Variants in CCDC47 observed in about 807,000 individuals in gnomAD.
CCDC47 encodes PAT complex subunit CCDC47.
In CCDC47, 41 loss-of-function variants were observed where a neutral mutation model predicts 60.5. The ratio of observed to expected loss-of-function variants is 0.68; its 90% confidence interval spans 0.53 to 0.88. The LOEUF (loss-of-function observed/expected upper bound fraction) is 0.88. CCDC47 is among the 40% of genes least tolerant of loss of function. The pLI is 0.00. For missense variants in CCDC47, 513 were observed against 580.9 expected (o/e 0.88, Z 1.20); for synonymous variants, 195 against 190.7 (o/e 1.02, Z -0.18).
intron 1 of CCDC47, among the ~76,000 whole-genome samples, chr17:63,769,341 C>T (rs1015775569): frequency 2.0e-5 from 3 of 151,722 alleles, no homozygotes; most frequent in South Asian, 2.1e-4. Context: ...TGGCTGTGTG[C>T]GATGGCTCAC....
At chr17:63,766,803 G>A (rs539715934) in intron 1 of CCDC47, 262 of 972,270 alleles carry the variant, frequency 2.7e-4, no homozygotes, top group Non-Finnish European at 3.1e-4. Context: ...CATTTTTTGA[G>A]GGCCTATTAA....
At chr17:63,771,605 G>C (rs2039342237) in intron 1 of CCDC47, among the ~76,000 whole-genome samples, 1 of 152,102 alleles carries the variant, frequency 6.6e-6, no homozygotes, top group African/African-American at 2.4e-5. Context: ...TTAAACTCTG[G>C]AATGTATATT....
intron 1 of CCDC47, chr17:63,766,777 T>G: frequency 1.1e-6 from 1 of 948,078 alleles, no homozygotes; most frequent in Non-Finnish European, 1.3e-6. Flanking sequence ...TCCATTTACA[T>G]AGAGTATTCA....
At chr17:63,760,700 G>A (rs7208397) in intron 6 of CCDC47, among the ~76,000 whole-genome samples, 105,535 of 151,820 alleles carry the variant, frequency 0.7, 37,964 homozygotes, top group African/African-American at 0.9. Context: ...TTGGCCAGGC[G>A]TGGTGGTGGG....
chr17:63,764,676 T>C, intron 3 of CCDC47, 64 bp downstream of exon 3: 2 of 1,407,150 alleles, frequency 1.4e-6, no homozygotes, highest in Non-Finnish European at 2.0e-6. Flanking sequence ...ATTAATTTTA[T>C]TTCTGGGATT....
Position 63,752,816 on chromosome 17 carries a change from G to A in CCDC47, c.1035-17C>T, listed in dbSNP as rs749951665. ...TGACCTTCCCTGTCATAAAAGAAAA[G>A]GCAATTAAGAAGGAATACAAGAAAG... On this transcript the variant is annotated splice_polypyrimidine_tract_variant and intron_variant, in intron 9 of 12. Coordinates refer to ENST00000225726, the MANE Select transcript of CCDC47 (RefSeq NM_020198.3). 4 of 1,608,398 alleles carry A rather than the reference G, an allele frequency of 2.5e-6. No homozygotes were observed. The highest frequency in any genetic ancestry group is 3.4e-5 in the Admixed American group (2 of 59,078).
Position 63,766,009 on chromosome 17 carries a change from C to G in CCDC47, c.167G>C (p.Arg56Pro). Residue 56 changes from arginine to proline, a missense_variant, in exon 2 of 13, where the codon CGG (arginine) becomes CCG (proline). Coordinates refer to ENST00000225726, the MANE Select transcript of CCDC47 (RefSeq NM_020198.3). ...TTCATCATCTTCAGTGATTATGACC[C>G]GTTGAGGAGATTCAGTAACAGAGTC... ...MEDSVTESPQ[R>P]VIITEDDEDE... 1 of 1,613,936 alleles carries G rather than the reference C, an allele frequency of 6.2e-7. No homozygotes were observed. Among genetic ancestry groups the G allele is most frequent in the South Asian group, 1.1e-5 (1 of 91,080 alleles).
rs774504135 is a variant in CCDC47 at position 63,754,438 on chromosome 17, C to A, written c.1029G>T (p.Met343Ile). Reference sequence around the variant, plus strand: ...CAATTTTATCTTATACGTACTCTTGCATAATTTTTGGACCAGAGAACTGGT... The same window carrying A: ...CAATTTTATCTTATACGTACTCTTGAATAATTTTTGGACCAGAGAACTGGT... ...FSDQFSGPKI[M>I]QEEGQPLKLP... The change falls in exon 9 of 13, where the codon ATG becomes ATT. Residue 343 changes from methionine to isoleucine, a missense_variant. Met to Ile is a conservative substitution (Grantham distance 10, BLOSUM62 1). Coordinates refer to ENST00000225726, the MANE Select transcript of CCDC47 (RefSeq NM_020198.3). 1.3e-6 allele frequency: 2 copies of A among 1,584,448 alleles called. No homozygotes were observed. Among genetic ancestry groups the A allele is most frequent in the Non-Finnish European group, 1.7e-6 (2 of 1,155,296 alleles).
chr17:63,769,926 G>A (rs898328968), intron 1 of CCDC47, among the ~76,000 whole-genome samples: 2 of 150,948 alleles, frequency 1.3e-5, no homozygotes, highest in African/African-American at 4.9e-5. Flanking sequence ...AGCTTGTATG[G>A]TAGAATTCTG....
At chr17:63,747,219 T>C (rs2039127058) in intron 12 of CCDC47, 1 of 984,702 alleles carries the variant, frequency 1.0e-6, no homozygotes, top group Non-Finnish European at 1.2e-6. Flanking sequence ...GAAACTACTA[T>C]AATTAACCAG....
intron 9 of CCDC47, among the ~76,000 whole-genome samples, chr17:63,754,078 C>T (rs1399656423): frequency 6.6e-6 from 1 of 152,164 alleles, no homozygotes; most frequent in East Asian, 1.9e-4. Context: ...CGCACTCCAG[C>T]CTAGGCAACA....
chr17:63,771,738 A>G (rs1168604721), intron 1 of CCDC47, among the ~76,000 whole-genome samples: 1 of 152,178 alleles, frequency 6.6e-6, no homozygotes, highest in Non-Finnish European at 1.5e-5. Flanking sequence ...CAAAAGTGGA[A>G]GAAATATAGA....
chr17:63,763,716 T>C (rs1424891614), intron 4 of CCDC47, among the ~76,000 whole-genome samples: 1 of 147,924 alleles, frequency 6.8e-6, no homozygotes, highest in Non-Finnish European at 1.5e-5. Context: ...CCCAGCTACT[T>C]GGGAGGCTGA....
In CCDC47 at chr17:63,756,277, T is replaced by G. The variant is rs754382263; in HGVS notation, c.911A>C (p.Glu304Ala). The G allele has an allele frequency of 3.1e-6, 5 of 1,614,040 alleles. No individual in the cohort carries two copies. The highest frequency in any genetic ancestry group is 1.3e-5 in the African/African-American group (1 of 74,952). Residue 304 changes from glutamate to alanine, a missense_variant, in exon 8 of 13, where the codon GAG (glutamate) becomes GCG (alanine). Coordinates refer to ENST00000225726, the MANE Select transcript of CCDC47 (RefSeq NM_020198.3). ...CATTCCGTCTGTGACTTCTCCCATCTCTGACAGGATGGCCAAAGAGTCCGG... is the reference window on the plus strand; with the variant it reads ...CATTCCGTCTGTGACTTCTCCCATCGCTGACAGGATGGCCAAAGAGTCCGG... ...GLPDSLAILS[E>A]MGEVTDGMMD... is the part of the protein sequence containing the mutation.
intron 1 of CCDC47, among the ~76,000 whole-genome samples, chr17:63,768,366 G>C (rs1292509247): frequency 6.7e-6 from 1 of 149,116 alleles, no homozygotes; most frequent in African/African-American, 2.6e-5. Flanking sequence ...AACTATGGAT[G>C]TATCAAAAAC....
intron 6 of CCDC47, among the ~76,000 whole-genome samples, chr17:63,757,657 A>AC (rs1476399231): frequency 3.9e-5 from 6 of 152,230 alleles, no homozygotes; most frequent in Non-Finnish European, 8.8e-5. Context: ...AATACTTCAC[A>AC]CAGGAGCACT....
At chr17:63,753,514 G>T in intron 9 of CCDC47, 1 of 377,376 alleles carries the variant, frequency 2.6e-6, no homozygotes, top group Non-Finnish European at 3.6e-6. Context: ...TCAGAGGGTA[G>T]TCTTTAACTA....
At chr17:63,765,805 T>C in intron 2 of CCDC47, 107 bp downstream of exon 2, 1 of 1,381,576 alleles carries the variant, frequency 7.2e-7, no homozygotes, top group African/African-American at 1.4e-5. Flanking sequence ...TGAATGAAAA[T>C]GAAGACTCCA....
chr17:63,759,540 T>A (rs1169004714), intron 6 of CCDC47, among the ~76,000 whole-genome samples: 362 of 16,110 alleles, frequency 0.022, 99 homozygotes, highest in African/African-American at 0.12. Context: ...TATATATATA[T>A]ATATATATAT....
Sources: gnomAD v4.1 joint callset for allele counts (sites outside exome capture counted in the v4.1 genomes callset) on GRCh38, gnomAD v4.1.1 for gene constraint, MANE v1.5 for transcripts, NCBI Gene and HGNC (gene_info 2026-07-23, HGNC 2026-07-21) for gene names.